The following NBEA variants were observed in gnomAD, a reference collection of about 807,000 sequenced individuals.
The protein encoded by NBEA is lysosomal-trafficking regulator 2.
In NBEA, 44 loss-of-function variants were observed where a neutral mutation model predicts 343.4. The observed-to-expected ratio is 0.13, with a 90% confidence interval of 0.10 to 0.16. NBEA has a LOEUF of 0.16. Among genes scored for constraint, NBEA ranks in the 10% least tolerant of loss-of-function variants. The pLI is 1.00. For missense variants in NBEA, 2,555 were observed against 3,631.3 expected (o/e 0.70, Z 7.62); for synonymous variants, 1,175 against 1,238.7 (o/e 0.95, Z 1.08).
intron 35 of NBEA, among the ~76,000 whole-genome samples, chr13:35,303,383 TTTA>T (rs2036682204): frequency 1.3e-5 from 2 of 152,136 alleles, no homozygotes; most frequent in Admixed American, 6.6e-5. Context: ...GTTAATAATA[TTTA>T]TTATTATGTT....
intron 16 of NBEA, among the ~76,000 whole-genome samples, chr13:35,119,059 G>A (rs117022540): frequency 0.046 from 6,966 of 152,144 alleles, 239 homozygotes; most frequent in Non-Finnish European, 0.067. Flanking sequence ...CAGTGGCAGT[G>A]CAATGGAAAT....
At chr13:35,122,944 C>T (rs557604537) in intron 16 of NBEA, among the ~76,000 whole-genome samples, 2 of 152,096 alleles carry the variant, frequency 1.3e-5, no homozygotes, top group Non-Finnish European at 1.5e-5. Flanking sequence ...TCCAAATTCT[C>T]AAAAAGGAGA....
Position 35,407,947 on chromosome 13 carries a change from T to C in NBEA, c.6180-24322T>C, listed in dbSNP as rs552185162. ...AATGGCCATACTGACCAAAGCAATT[T>C]ATAGTTTTAATGCTATTCCTATTAA... On this transcript the variant is annotated intron_variant, in intron 38 of 58. Transcript: ENST00000379939. Among the ~76,000 whole-genome samples, 9 of 152,338 alleles carry C rather than the reference T, an allele frequency of 5.9e-5. No homozygotes were observed. In the South Asian group the frequency reaches 1.2e-3, roughly 21 times the overall value.
intron 41 of NBEA, among the ~76,000 whole-genome samples, chr13:35,541,255 G>C (rs1594923923): frequency 6.6e-6 from 1 of 150,908 alleles, no homozygotes; most frequent in African/African-American, 2.4e-5. Flanking sequence ...CTTCTGCTTG[G>C]TACTTCCTTT....
chr13:35,627,497 A>G (rs761509550), intron 48 of NBEA, among the ~76,000 whole-genome samples: 2 of 151,786 alleles, frequency 1.3e-5, no homozygotes, highest in African/African-American at 4.8e-5. Flanking sequence ...ACTCTCAGTA[A>G]TTTATATTTC....
intron 39 of NBEA, among the ~76,000 whole-genome samples, chr13:35,438,365 T>C (rs937561480): frequency 3.9e-5 from 6 of 152,208 alleles, no homozygotes; most frequent in Non-Finnish European, 7.3e-5. Context: ...AATGTGCTAT[T>C]TTCAGCCATC....
chr13:35,165,032 G>A (rs1005990832), intron 24 of NBEA: 8 of 528,476 alleles, frequency 1.5e-5, no homozygotes, highest in African/African-American at 7.8e-5. Context: ...GACCAAGGCA[G>A]ACTCCATAGC....
intron 30 of NBEA, among the ~76,000 whole-genome samples, chr13:35,187,618 A>G (rs1298430422): frequency 6.6e-6 from 1 of 151,990 alleles, no homozygotes; most frequent in African/African-American, 2.4e-5. Context: ...CTCAATTACA[A>G]TAATCATCTC....
chr13:35,219,431 A>G (rs2074242889), intron 33 of NBEA, among the ~76,000 whole-genome samples: 1 of 152,174 alleles, frequency 6.6e-6, no homozygotes, highest in Middle Eastern at 3.2e-3. Flanking sequence ...TACCTAATTC[A>G]GTAGGACTCC....
chr13:35,273,897 C>T (rs2034375114), intron 34 of NBEA, among the ~76,000 whole-genome samples: 1 of 152,028 alleles, frequency 6.6e-6, no homozygotes, highest in Admixed American at 6.6e-5. Flanking sequence ...AAAAAAAGTC[C>T]AGGACCAGAC....
intron 38 of NBEA, among the ~76,000 whole-genome samples, chr13:35,376,453 T>G (rs2041747586): frequency 1.3e-5 from 2 of 152,096 alleles, no homozygotes; most frequent in South Asian, 4.1e-4. Flanking sequence ...TAAACTAAAA[T>G]ATAATTATAG....
In NBEA at chr13:35,070,748, T is replaced by C. The variant is rs1349306236; in HGVS notation, c.1467T>C (p.Ile489=). 6.3e-7 allele frequency: 1 copy of C among 1,599,970 alleles called. No homozygotes were observed. Among genetic ancestry groups the C allele is most frequent in the Non-Finnish European group, 8.5e-7 (1 of 1,172,036 alleles). ...TGAAAGCGATAGTAACACATTCAATTCATAGTGCAATTCATTCAATTGGAG... is the reference window on the plus strand; with the variant it reads ...TGAAAGCGATAGTAACACATTCAATCCATAGTGCAATTCATTCAATTGGAG... ...QDVKAIVTHS[I]HSAIHSIGGI... The change falls in exon 10 of 59, where the codon ATT becomes ATC. Residue 489 remains isoleucine, a synonymous_variant. Coordinates refer to ENST00000379939, the MANE Select transcript of NBEA (RefSeq NM_001385012.1).
chr13:35,184,839 A>G (rs1006802053), intron 30 of NBEA, among the ~76,000 whole-genome samples: 9 of 152,138 alleles, frequency 5.9e-5, no homozygotes, highest in African/African-American at 2.2e-4. Flanking sequence ...TGACTTCAGA[A>G]CAAAGGATTT....
At chr13:35,593,225 G>A in intron 46 of NBEA, 103 bp from the exon 47 acceptor site, 5 of 1,325,070 alleles carry the variant, frequency 3.8e-6, no homozygotes, top group Non-Finnish European at 5.2e-6. Flanking sequence ...ACCCTGATCT[G>A]CCTCCACATC....
At chr13:34,966,010 T>A (rs1290989379) in intron 1 of NBEA, among the ~76,000 whole-genome samples, 1 of 152,054 alleles carries the variant, frequency 6.6e-6, no homozygotes, top group Non-Finnish European at 1.5e-5. Flanking sequence ...AAGGTATACA[T>A]CAATTATGAG....
At chr13:35,455,249 A>G (rs2046511438) in intron 40 of NBEA, among the ~76,000 whole-genome samples, 1 of 152,170 alleles carries the variant, frequency 6.6e-6, no homozygotes, top group Non-Finnish European at 1.5e-5. Flanking sequence ...ATAAGCAGAT[A>G]TGCAGTATAA....
At chr13:35,113,586 CATCT>C (rs71078081) in intron 13 of NBEA, among the ~76,000 whole-genome samples, 3,539 of 146,784 alleles carry the variant, frequency 0.024, 49 homozygotes, top group South Asian at 0.047. Flanking sequence ...CTCCTCCACT[CATCT>C]ATCTATCTAT....
intron 39 of NBEA, 77 bp downstream of exon 39, chr13:35,432,470 T>C: frequency 7.5e-7 from 1 of 1,333,426 alleles, no homozygotes; most frequent in Non-Finnish European, 1.0e-6. Context: ...TCCTTCTTTT[T>C]TTTTCGCTAG....
intron 41 of NBEA, among the ~76,000 whole-genome samples, chr13:35,497,284 A>G (rs188237649): frequency 3.4e-3 from 512 of 152,224 alleles, no homozygotes; most frequent in African/African-American, 0.011. Flanking sequence ...ACTGAAAAAT[A>G]TAAATCTATT....
Sources: gnomAD v4.1 joint callset for allele counts (sites outside exome capture counted in the v4.1 genomes callset) on GRCh38, gnomAD v4.1.1 for gene constraint, MANE v1.5 for transcripts, NCBI Gene and HGNC (gene_info 2026-07-23, HGNC 2026-07-21) for gene names.